The following BPIFB4 variants were observed in gnomAD, a reference collection of about 807,000 sequenced individuals.
BPIFB4 encodes the protein BPI fold containing family B member 4.
BPIFB4 carries 62 observed loss-of-function variants against 69.2 expected under a neutral mutation model. That is an observed-to-expected ratio of 0.90 (90% confidence interval 0.73 to 1.11). BPIFB4 has a LOEUF of 1.11. Ranked by LOEUF, BPIFB4 falls within the 50% of genes least tolerant of loss-of-function variation. The pLI is 0.00. For missense variants in BPIFB4, 789 were observed against 792.0 expected (o/e 1.00, Z 0.04); for synonymous variants, 330 against 332.7 (o/e 0.99, Z 0.09).
In BPIFB4 at chr20:33,090,770, A is replaced by T; in HGVS notation, c.1114A>T (p.Thr372Ser). The T allele has an allele frequency of 1.2e-6, 2 of 1,614,082 alleles. No individual in the cohort carries two copies. Among genetic ancestry groups the T allele is most frequent in the East Asian group, 4.5e-5 (2 of 44,866 alleles). The part of the protein sequence containing the change: ...QYTFSSLPLV[T>S]GEFLELDLNT... ...CACCTTCTCCAGCCTCCCGCTTGTG[A>T]CCGGGGAATTCCTGGAGCTGGACCT... is the stretch of plus-strand genomic sequence containing the variant. Residue 372 changes from threonine to serine, a missense_variant, in exon 10 of 18, where the codon ACC becomes TCC. Coordinates refer to ENST00000375483, the MANE Select transcript of BPIFB4 (RefSeq NM_182519.3).
chr20:33,111,325 T>C, intron 17 of BPIFB4, 89 bp from the exon 18 acceptor site: 1 of 1,552,664 alleles, frequency 6.4e-7, no homozygotes, highest in Non-Finnish European at 8.9e-7. Flanking sequence ...CCTAGAAACA[T>C]GACCGGCCAG....
In BPIFB4 at chr20:33,092,676, C is replaced by T; in HGVS notation, c.1344+18C>T. 1.3e-6 allele frequency: 2 copies of T among 1,596,984 alleles called. No individual in the cohort carries two copies. Among genetic ancestry groups the T allele is most frequent in the Admixed American group, 1.7e-5 (1 of 59,976 alleles). ...ATGGCATGGTGAGTCACAGCCCCACCAGGGGGAGGTGGCTGGGCAGCAGAC... is the reference window on the plus strand; with the variant it reads ...ATGGCATGGTGAGTCACAGCCCCACTAGGGGGAGGTGGCTGGGCAGCAGAC... On this transcript the variant is annotated intron_variant, in intron 11 of 17. Transcript: ENST00000375483.
chr20:33,095,867 T>C (rs1229923990), intron 12 of BPIFB4, among the ~76,000 whole-genome samples: 2 of 152,196 alleles, frequency 1.3e-5, no homozygotes, highest in African/African-American at 2.4e-5. Context: ...AGTGACCATA[T>C]AGAGTTGGAA....
At chr20:33,087,535 C>T (rs1046768235) in intron 7 of BPIFB4, among the ~76,000 whole-genome samples, 9 of 152,174 alleles carry the variant, frequency 5.9e-5, no homozygotes, top group Admixed American at 1.3e-4. Flanking sequence ...TCTTATTTCG[C>T]TGGTCCTCTA....
At chr20:33,091,799 C>G (rs536209427) in intron 10 of BPIFB4, among the ~76,000 whole-genome samples, 3 of 152,216 alleles carry the variant, frequency 2.0e-5, no homozygotes, top group Admixed American at 6.5e-5. Context: ...AAGAATCACT[C>G]AAACAAATAT....
In BPIFB4 at chr20:33,100,523, A is replaced by G. The variant is rs571517582; in HGVS notation, c.1637+30A>G. On this transcript the variant is annotated intron_variant, in intron 14 of 17. Coordinates refer to ENST00000375483, the MANE Select transcript of BPIFB4 (RefSeq NM_182519.3). ...GGGGCTATGCTGCCTTGGGGTCCTG[A>G]CGGTGCTGGTGCTGCTCATGGAGGA... is the stretch of plus-strand genomic sequence containing the variant. The G allele has an allele frequency of 3.1e-6, 5 of 1,588,846 alleles. No homozygotes were observed. The East Asian group carries it at 8.9e-5, about 28-fold the overall frequency.
At chr20:33,080,448 C>T (rs1325098933) in intron 1 of BPIFB4, 21 bp from the exon 2 acceptor site, 3 of 152,228 alleles carry the variant, frequency 2.0e-5, no homozygotes, top group African/African-American at 4.8e-5. Context: ...AATCTCATAA[C>T]ATTCCTCACC....
intron 13 of BPIFB4, among the ~76,000 whole-genome samples, chr20:33,098,048 G>A (rs1024387343): frequency 1.1e-4 from 17 of 152,124 alleles, no homozygotes; most frequent in African/African-American, 4.1e-4. Context: ...ATTTCCTTCT[G>A]AGCCCCAGTT....
chr20:33,098,744 C>CAAAAA (rs11331998), intron 13 of BPIFB4, among the ~76,000 whole-genome samples: 1 of 107,410 alleles, frequency 9.3e-6, no homozygotes. Context: ...GACTCCATCT[C>CAAAAA]AAAAAAAAAA....
intron 10 of BPIFB4, among the ~76,000 whole-genome samples, chr20:33,092,168 A>C (rs946159892): frequency 5.9e-5 from 9 of 152,140 alleles, no homozygotes; most frequent in African/African-American, 2.2e-4. Context: ...GTAGATATGC[A>C]TTGTACAGAT....
chr20:33,081,803 G>GGTAGTCAAA (rs1191303048), intron 3 of BPIFB4, among the ~76,000 whole-genome samples, 171 bp downstream of exon 3: 1 of 152,178 alleles, frequency 6.6e-6, no homozygotes, highest in East Asian at 1.9e-4. Flanking sequence ...ACCATTTCCT[G>GGTAGTCAAA]AGCACCTACT....
chr20:33,089,588 G>C (rs984660219), intron 9 of BPIFB4, 30 bp downstream of exon 9: 2 of 1,614,172 alleles, frequency 1.2e-6, no homozygotes, highest in Non-Finnish European at 1.7e-6. Context: ...TCCAGCCTGG[G>C]GAAGGCACTG....
chr20:33,105,059 T>C (rs1039950143), intron 16 of BPIFB4, among the ~76,000 whole-genome samples, 186 bp downstream of exon 16: 1 of 152,206 alleles, frequency 6.6e-6, no homozygotes, highest in South Asian at 2.1e-4. Flanking sequence ...ACCTTCCTTA[T>C]TTGCTTCTTT....
Position 33,100,408 on chromosome 20 carries a change from C to T in BPIFB4, c.1570-18C>T, listed in dbSNP as rs555338077. 129 of 1,576,584 alleles carry T rather than the reference C, an allele frequency of 8.2e-5. 3 individuals carry two copies. In the South Asian group the frequency reaches 1.3e-3, roughly 16 times the overall value. On this transcript the variant is annotated intron_variant, in intron 13 of 17. Transcript: ENST00000375483. ...GACATGAAGGCAGTGACGTCTTTCT[C>T]CTTTCCTTTCCCTCCAGGACACAGA...
chr20:33,088,547 A>G (rs1017498552), intron 7 of BPIFB4, among the ~76,000 whole-genome samples: 1 of 152,112 alleles, frequency 6.6e-6, no homozygotes, highest in Non-Finnish European at 1.5e-5. Flanking sequence ...AGTACCTACT[A>G]TGTACTAGAT....
At position 33,092,316 on chromosome 20, in the gene BPIFB4, A is replaced by G. The variant is rs781483607; in HGVS notation, c.1144-142A>G. ...CATAAACTGGAGGAGAGTGGGGACC[A>G]TGCATCAAAGAGCCACTCAGACTCA... On this transcript the variant is annotated intron_variant, in intron 10 of 17. Transcript: ENST00000375483. 9.2e-6 allele frequency: 6 copies of G among 649,044 alleles called. No homozygotes were observed. In the South Asian group the frequency reaches 9.6e-5, roughly 10 times the overall value. The allele number at this position is 649,044 out of a possible 1,614,324, so 40.2% of individuals were successfully genotyped here. A position where few individuals can be genotyped will look rare whatever the true frequency, so the allele number is the denominator to read the frequency against.
chr20:33,096,532 CCCA>C (rs1981759063), intron 12 of BPIFB4, among the ~76,000 whole-genome samples: 1 of 152,208 alleles, frequency 6.6e-6, no homozygotes, highest in Admixed American at 6.5e-5. Context: ...ACCTCGGCCT[CCCA>C]AAGTGCTGGG....
At chr20:33,091,772 G>T (rs1285334106) in intron 10 of BPIFB4, among the ~76,000 whole-genome samples, 1 of 152,198 alleles carries the variant, frequency 6.6e-6, no homozygotes, top group African/African-American at 2.4e-5. Context: ...AGAATGTTTT[G>T]GAGGGGACAG....
chr20:33,085,081 ACTT>A (rs1013019312), intron 6 of BPIFB4, 85 bp downstream of exon 6: 7 of 1,523,196 alleles, frequency 4.6e-6, no homozygotes, highest in Non-Finnish European at 6.2e-6. Flanking sequence ...GAAGACCTAA[ACTT>A]CTGCCAGTGC....
Sources: gnomAD v4.1 joint callset for allele counts (sites outside exome capture counted in the v4.1 genomes callset) on GRCh38, gnomAD v4.1.1 for gene constraint, MANE v1.5 for transcripts, NCBI Gene and HGNC (gene_info 2026-07-23, HGNC 2026-07-21) for gene names.